The following WAC variants were observed in gnomAD, a reference collection of about 807,000 sequenced individuals.
WAC encodes WW domain containing adaptor with coiled-coil.
In WAC, 11 loss-of-function variants were observed where a neutral mutation model predicts 79.6. That is an observed-to-expected ratio of 0.14 (90% confidence interval 0.09 to 0.23). WAC has a LOEUF of 0.23. Among genes scored for constraint, WAC ranks in the 10% least tolerant of loss-of-function variants. WAC has a pLI of 1.00. For synonymous variants in WAC, 304 were observed against 276.9 expected (o/e 1.10, Z -0.97); for missense variants, 728 against 773.5 (o/e 0.94, Z 0.70).
chr10:28,540,963 AT>A (rs1424498796), intron 3 of WAC, among the ~76,000 whole-genome samples: 1 of 152,098 alleles, frequency 6.6e-6, no homozygotes, highest in Non-Finnish European at 1.5e-5. Context: ...GTACCAAGTC[AT>A]TTGTCTTACG....
chr10:28,539,572 GTT>G (rs59043428), intron 3 of WAC, among the ~76,000 whole-genome samples: 2 of 149,416 alleles, frequency 1.3e-5, no homozygotes, highest in African/African-American at 2.5e-5. Context: ...TTGTTTTTTG[GTT>G]TTTTTTTTTC....
intron 3 of WAC, among the ~76,000 whole-genome samples, chr10:28,553,026 C>T (rs1202234611): frequency 6.6e-6 from 1 of 152,008 alleles, no homozygotes; most frequent in Admixed American, 6.6e-5. Flanking sequence ...TGGTAACTTT[C>T]CCTGCCCGAG....
intron 2 of WAC, among the ~76,000 whole-genome samples, chr10:28,534,780 T>C (rs1836534508): frequency 6.6e-6 from 1 of 152,246 alleles, no homozygotes; most frequent in Non-Finnish European, 1.5e-5. Context: ...GTTTCTAACC[T>C]GATGGTTGTG....
At chr10:28,598,944 T>G (rs907578904) in intron 7 of WAC, among the ~76,000 whole-genome samples, 5 of 152,180 alleles carry the variant, frequency 3.3e-5, no homozygotes, top group Admixed American at 2.0e-4. Context: ...TCCAAGTACT[T>G]CTCCTTGTAT....
chr10:28,578,452 A>G (rs1279870380), intron 3 of WAC, among the ~76,000 whole-genome samples: 2 of 152,290 alleles, frequency 1.3e-5, no homozygotes, highest in East Asian at 1.9e-4. Context: ...CAGGGTCTGA[A>G]TAAGGACATA....
chr10:28,582,575 TA>T (rs912686657), intron 3 of WAC, among the ~76,000 whole-genome samples: 3 of 151,912 alleles, frequency 2.0e-5, no homozygotes, highest in Admixed American at 1.3e-4. Context: ...GATCACTTAC[TA>T]AAAAAAATAC....
intron 3 of WAC, among the ~76,000 whole-genome samples, chr10:28,536,760 C>T (rs2790444): frequency 0.36 from 54,089 of 151,968 alleles, 10,439 homozygotes; most frequent in East Asian, 0.54. Flanking sequence ...TTAATTTGCC[C>T]GAATTACATT....
chr10:28,547,956 T>A lies in WAC; in HGVS notation c.274+12199T>A, dbSNP rs1268879400. ...CTTCTTTGAGAGAGAGTTTCGCTCT[T>A]GTTGCTGAACCTGGAGTGTAGTGGC... On this transcript the variant is annotated intron_variant, in intron 3 of 13. Transcript: ENST00000354911. Among the ~76,000 whole-genome samples, 5 of 151,368 alleles carry A rather than the reference T, an allele frequency of 3.3e-5. No individual in the cohort carries two copies. The South Asian group carries it at 1.0e-3, about 32-fold the overall frequency.
intron 4 of WAC, among the ~76,000 whole-genome samples, chr10:28,587,728 A>G (rs911618771): frequency 3.3e-5 from 5 of 152,146 alleles, no homozygotes; most frequent in Non-Finnish European, 5.9e-5. Flanking sequence ...GGGTGGAGAA[A>G]ATAAAGTTAT....
chr10:28,613,347 G>A (rs1274182950), intron 10 of WAC, among the ~76,000 whole-genome samples: 2 of 152,126 alleles, frequency 1.3e-5, no homozygotes, highest in Non-Finnish European at 2.9e-5. Flanking sequence ...GCCTGGGCAA[G>A]AGAGTGAAAC....
At chr10:28,613,527 C>T (rs1427582535) in intron 10 of WAC, among the ~76,000 whole-genome samples, 1 of 152,122 alleles carries the variant, frequency 6.6e-6, no homozygotes, top group Non-Finnish European at 1.5e-5. Context: ...ATCCTTTAAG[C>T]AGGTAGCTGT....
At chr10:28,552,680 G>A (rs1269008497) in intron 3 of WAC, among the ~76,000 whole-genome samples, 1 of 152,000 alleles carries the variant, frequency 6.6e-6, no homozygotes, top group Non-Finnish European at 1.5e-5. Context: ...TTTGGGTTTG[G>A]ATATTATGTA....
At chr10:28,553,614 G>A (rs1469065539) in intron 3 of WAC, among the ~76,000 whole-genome samples, 2 of 152,120 alleles carry the variant, frequency 1.3e-5, no homozygotes, top group Non-Finnish European at 2.9e-5. Flanking sequence ...TAAGATTGAG[G>A]GAAGGGTTGT....
intron 5 of WAC, among the ~76,000 whole-genome samples, chr10:28,590,295 G>A (rs1840018741): frequency 8.9e-6 from 1 of 112,966 alleles, no homozygotes. Context: ...CTGAGCAACA[G>A]AGCAAGATGC....
intron 4 of WAC, among the ~76,000 whole-genome samples, chr10:28,586,052 G>T (rs766018413): frequency 5.3e-5 from 8 of 152,156 alleles, no homozygotes; most frequent in Non-Finnish European, 1.2e-4. Context: ...TCACCTGTAG[G>T]TGCATAAGTA....
At chr10:28,610,660 C>G in intron 8 of WAC, 39 bp from the exon 9 acceptor site, 1 of 1,567,244 alleles carries the variant, frequency 6.4e-7, no homozygotes, top group Non-Finnish European at 8.6e-7. Flanking sequence ...ACATAAGCCT[C>G]TTGTTTTTAT....
intron 3 of WAC, among the ~76,000 whole-genome samples, chr10:28,582,526 G>A (rs945256223): frequency 2.6e-5 from 4 of 151,928 alleles, no homozygotes; most frequent in Non-Finnish European, 4.4e-5. Context: ...TGCACTTCTA[G>A]TTTTTGTTCA....
At chr10:28,561,704 C>T (rs1838307937) in intron 3 of WAC, among the ~76,000 whole-genome samples, 1 of 152,142 alleles carries the variant, frequency 6.6e-6, no homozygotes, top group Non-Finnish European at 1.5e-5. Context: ...TGTTAGCAAT[C>T]AGGCTTCACA....
chr10:28,561,823 T>C lies in WAC; in HGVS notation c.275-21576T>C, dbSNP rs1294099381. Among the ~76,000 whole-genome samples, 6 of 152,300 alleles carry C rather than the reference T, an allele frequency of 3.9e-5. No individual in the cohort carries two copies. The East Asian group carries it at 1.2e-3, about 29-fold the overall frequency. On this transcript the variant is annotated intron_variant, in intron 3 of 13. Transcript: ENST00000354911. ...GGAGCATGAGAACCCTATTGTGAACTGTGCATGCGAGGAATCTAGGTTATG... is the reference window on the plus strand; with the variant it reads ...GGAGCATGAGAACCCTATTGTGAACCGTGCATGCGAGGAATCTAGGTTATG...
Sources: allele counts gnomAD v4.1 joint callset (sites outside exome capture counted in the v4.1 genomes callset), GRCh38; gene constraint gnomAD v4.1.1; transcripts MANE v1.5; gene names NCBI Gene and HGNC (gene_info 2026-07-23, HGNC 2026-07-21).